Variants in GLYATL1B observed in about 807,000 individuals in gnomAD.
The protein encoded by GLYATL1B is putative glycine N-acyltransferase-like protein 1B.
A neutral mutation model predicts 5.5 loss-of-function variants in GLYATL1B; 6 were observed. That is an observed-to-expected ratio of 1.09 (90% CI 0.60 to 2.15). The LOEUF is 2.15. Among genes scored for constraint, GLYATL1B ranks in the 30% most tolerant of loss-of-function variants. GLYATL1B has a pLI of 0.00. For synonymous variants in GLYATL1B, 67 were observed against 34.9 expected (o/e 1.92, Z -3.24); for missense variants, 135 against 94.1 (o/e 1.43, Z -1.80).
chr11:59,093,445 T>G (rs1343956666), intron 2 of GLYATL1B, 84 bp from the exon 3 acceptor site: 5 of 447,992 alleles, frequency 1.1e-5, no homozygotes, highest in Admixed American at 3.4e-5. Flanking sequence ...TTCTTTTGAA[T>G]TTTCATTTTT....
In GLYATL1B at chr11:59,094,700, A is replaced by G; in HGVS notation, c.823A>G (p.Arg275Gly). The stretch of plus-strand genomic sequence containing the variant: ...GCTGGAAGAAAATCAAGGCGTCATC[A>G]GAAAGACTAGTGCACTAGGTTTCCT... ...SVLEENQGVI[R>G]KTSALGFLEA... Residue 275 changes from arginine to glycine, a missense_variant, in exon 5 of 5, where the codon AGA (arginine) becomes GGA (glycine). By Grantham distance (125) the Arg-to-Gly change is moderately radical (BLOSUM62 -2). Coordinates refer to ENST00000527482, the MANE Select transcript of GLYATL1B (RefSeq NM_001355566.1). 2.2e-6 allele frequency: 1 copy of G among 451,276 alleles called. No homozygotes were observed. Among genetic ancestry groups the G allele is most frequent in the Non-Finnish European group, 4.0e-6 (1 of 248,730 alleles). The allele number at this position is 451,276 out of a possible 1,614,324, so 28.0% of individuals were successfully genotyped here.
intron 3 of GLYATL1B, 110 bp from the exon 4 acceptor site, chr11:59,093,824 G>A (rs1859372831): frequency 2.1e-6 from 1 of 474,438 alleles, no homozygotes; most frequent in Non-Finnish European, 3.8e-6. Flanking sequence ...GCTGATTGTG[G>A]TGTAAACTCA....
intron 2 of GLYATL1B, among the ~76,000 whole-genome samples, chr11:59,088,042 T>A (rs1382630169): frequency 1.3e-5 from 2 of 152,180 alleles, no homozygotes. Context: ...CTGGATACCA[T>A]CTGTTAAAGC....
chr11:59,090,558 T>C (rs1204583589), intron 2 of GLYATL1B, among the ~76,000 whole-genome samples: 5 of 151,906 alleles, frequency 3.3e-5, no homozygotes, highest in Non-Finnish European at 5.9e-5. Flanking sequence ...TAAATTATTT[T>C]TCCTTTTCTA....
Position 59,087,189 on chromosome 11 carries a change from G to A in GLYATL1B, c.186+18G>A, listed in dbSNP as rs1385970354. On this transcript the variant is annotated intron_variant, in intron 2 of 4. Coordinates refer to ENST00000527482, the MANE Select transcript of GLYATL1B (RefSeq NM_001355566.1). ...AAAAACAGGTAGGCACACAGACAGG[G>A]ACTGGTGGAGCCAGGCAGGTCCAAA... The A allele has an allele frequency of 1.7e-6, 1 of 575,994 alleles. No individual in the cohort carries two copies. 35.7% of individuals were successfully genotyped at this position (575,994 alleles called of 1,614,324 possible). A position where few individuals can be genotyped will look rare whatever the true frequency, so the allele number is the denominator to read the frequency against.
intron 1 of GLYATL1B, 32 bp downstream of exon 1, chr11:59,086,416 A>T: frequency 2.5e-6 from 1 of 398,458 alleles, no homozygotes; most frequent in South Asian, 1.3e-4. Flanking sequence ...GGGGTATGGG[A>T]GTAGGGGTGT....
Position 59,089,110 on chromosome 11 carries a change from T to C in GLYATL1B, c.186+1939T>C, listed in dbSNP as rs567375723. The stretch of plus-strand genomic sequence containing the variant: ...TATTAACACACAAACGGATATTCAG[T>C]TATGATCTCTTCTGTAATCGCTTTT... On this transcript the variant is annotated intron_variant, in intron 2 of 4. Transcript: ENST00000527482. Among the ~76,000 whole-genome samples, 24 of 152,296 alleles carry C rather than the reference T, an allele frequency of 1.6e-4. 2 individuals are homozygous for C. The South Asian group carries it at 4.8e-3, about 30-fold the overall frequency.
chr11:59,088,942 G>T (rs771722003), intron 2 of GLYATL1B, among the ~76,000 whole-genome samples: 3 of 152,116 alleles, frequency 2.0e-5, no homozygotes, highest in Non-Finnish European at 4.4e-5. Context: ...ATTTTTCTTT[G>T]TTGGTTCCTA....
chr11:59,086,845 G>C (rs1859202875), intron 1 of GLYATL1B, among the ~76,000 whole-genome samples: 1 of 152,200 alleles, frequency 6.6e-6, no homozygotes, highest in Non-Finnish European at 1.5e-5. Context: ...CTACTGCACA[G>C]TAGCTCTGTG....
intron 2 of GLYATL1B, among the ~76,000 whole-genome samples, chr11:59,090,899 G>A (rs1859294352): frequency 6.6e-6 from 1 of 151,970 alleles, no homozygotes; most frequent in South Asian, 2.1e-4. Flanking sequence ...CTTACCTTTG[G>A]AATTACATTT....
chr11:59,094,385 A>C lies in GLYATL1B; in HGVS notation c.508A>C (p.Lys170Gln). 1.8e-6 allele frequency: 1 copy of C among 561,894 alleles called. No homozygotes were observed. The highest frequency in any genetic ancestry group is 2.8e-5 in the Admixed American group (1 of 35,130). The allele number at this position is 561,894 out of a possible 1,614,324, so 34.8% of individuals were successfully genotyped here. ...DELESETPNFKYAQLNVSYSG... is the reference protein window; with the variant it reads ...DELESETPNFQYAQLNVSYSG... ...TTTCTACAGCGAGACTCCGAACTTT[A>C]AGTATGCCCAGCTGAATGTGTCTTA... The change falls in exon 5 of 5, where the codon AAG becomes CAG. Residue 170 changes from lysine to glutamine, a missense_variant. Lys to Gln is a moderately conservative substitution (Grantham distance 53, BLOSUM62 1). Transcript: ENST00000527482.
At chr11:59,092,607 T>C (rs565582131) in intron 2 of GLYATL1B, among the ~76,000 whole-genome samples, 1 of 152,320 alleles carries the variant, frequency 6.6e-6, no homozygotes, top group African/African-American at 2.4e-5. Flanking sequence ...TATTAATACA[T>C]GCACTGCTAA....
chr11:59,093,479 GAGA>G (rs1859363490), intron 2 of GLYATL1B, 47 bp from the exon 3 acceptor site: 1 of 472,652 alleles, frequency 2.1e-6, no homozygotes, highest in Non-Finnish European at 3.9e-6. Flanking sequence ...TCAGTGAGAG[GAGA>G]AGAAAAAGTT....
chr11:59,093,312 A>C (rs182619888), intron 2 of GLYATL1B, among the ~76,000 whole-genome samples: 34 of 152,314 alleles, frequency 2.2e-4, no homozygotes, highest in African/African-American at 4.8e-4. Context: ...ATAACCAGTA[A>C]CTGTCAGTGT....
At chr11:59,089,153 A>G (rs1478818682) in intron 2 of GLYATL1B, among the ~76,000 whole-genome samples, 2 of 152,144 alleles carry the variant, frequency 1.3e-5, no homozygotes, top group African/African-American at 4.8e-5. Flanking sequence ...CCTTTGACAT[A>G]TGGACATTGC....
intron 2 of GLYATL1B, among the ~76,000 whole-genome samples, chr11:59,088,573 C>G (rs1481965920): frequency 6.6e-6 from 1 of 152,200 alleles, no homozygotes; most frequent in African/African-American, 2.4e-5. Context: ...GTGTCATACG[C>G]TAAATAACTG....
At chr11:59,089,045 C>A (rs1859252276) in intron 2 of GLYATL1B, among the ~76,000 whole-genome samples, 1 of 152,168 alleles carries the variant, frequency 6.6e-6, no homozygotes, top group Non-Finnish European at 1.5e-5. Flanking sequence ...CCCTCCTCTC[C>A]TCCATTCCTA....
chr11:59,094,194 G>A, intron 4 of GLYATL1B, 83 bp downstream of exon 4: 1 of 527,088 alleles, frequency 1.9e-6, no homozygotes, highest in South Asian at 3.9e-5. Flanking sequence ...TTGGAATGAA[G>A]AGAGGATGAA....
At chr11:59,090,748 T>G (rs1302209921) in intron 2 of GLYATL1B, among the ~76,000 whole-genome samples, 6 of 152,100 alleles carry the variant, frequency 3.9e-5, no homozygotes, top group Admixed American at 3.3e-4. Flanking sequence ...AGTAATTTGC[T>G]GCTTCTTTGC....
Sources: allele counts gnomAD v4.1 joint callset (sites outside exome capture counted in the v4.1 genomes callset), GRCh38; gene constraint gnomAD v4.1.1; transcripts MANE v1.5; gene names NCBI Gene and HGNC (gene_info 2026-07-23, HGNC 2026-07-21).